The following KDM1A variants were observed in gnomAD, a reference collection of about 807,000 sequenced individuals.
KDM1A encodes the protein lysine demethylase 1A, also known as lysine-specific histone demethylase 1A.
A neutral mutation model predicts 109.4 loss-of-function variants in KDM1A; 49 were observed. The observed-to-expected ratio is 0.45, with a 90% CI of 0.36 to 0.57. The LOEUF (loss-of-function observed/expected upper bound fraction) is 0.57. KDM1A is among the 20% of genes least tolerant of loss of function. The pLI is 0.00. For synonymous variants in KDM1A, 380 were observed against 415.4 expected (o/e 0.91, Z 1.04); for missense variants, 668 against 1,116.6 (o/e 0.60, Z 5.73).
Position 23,079,743 on chromosome 1 carries a change from A to G in KDM1A, c.2170+76A>G, listed in dbSNP as rs1643565083. On this transcript the variant is annotated intron_variant, in intron 18 of 20. Transcript: ENST00000400181. The surrounding 1 kb of genome is among the most constrained non-coding windows in gnomAD (Gnocchi z 5.6). Reference sequence around the variant, plus strand: ...ATTTGAAATATTTTGGGTTTTCTCAATATATATGCCTTAATTTCTCTCTTT... The same window carrying G: ...ATTTGAAATATTTTGGGTTTTCTCAGTATATATGCCTTAATTTCTCTCTTT... 3.6e-6 allele frequency: 3 copies of G among 831,302 alleles called. No individual in the cohort carries two copies. The highest frequency in any genetic ancestry group is 3.5e-5 in the African/African-American group (2 of 57,748). 51.5% of individuals were successfully genotyped at this position (831,302 alleles called of 1,614,324 possible).
chr1:23,044,540 A>G, intron 3 of KDM1A, 54 bp downstream of exon 3: 4 of 1,474,996 alleles, frequency 2.7e-6, no homozygotes, highest in Non-Finnish European at 3.7e-6. Context: ...CCAAGTAGGA[A>G]TTGATGCTTG....
chr1:23,022,429 A>G (rs1365410457), intron 1 of KDM1A, among the ~76,000 whole-genome samples: 1 of 151,130 alleles, frequency 6.6e-6, no homozygotes, highest in East Asian at 2.0e-4. Context: ...TCCGCCTCCA[A>G]GGTTCAAGTG....
At chr1:23,071,707 G>T (rs757742350) in intron 13 of KDM1A, among the ~76,000 whole-genome samples, 1 of 152,108 alleles carries the variant, frequency 6.6e-6, no homozygotes, top group Non-Finnish European at 1.5e-5. Context: ...ATGTGACCTT[G>T]GACTCCTTAA....
chr1:23,065,809 C>A (rs1177600965), intron 9 of KDM1A, among the ~76,000 whole-genome samples: 1 of 151,970 alleles, frequency 6.6e-6, no homozygotes, highest in Admixed American at 6.6e-5. Context: ...TCTGACACTT[C>A]CCCCTCACTC....
At chr1:23,025,398 T>A (rs1305977325) in intron 1 of KDM1A, among the ~76,000 whole-genome samples, 3 of 151,884 alleles carry the variant, frequency 2.0e-5, no homozygotes, top group African/African-American at 7.3e-5. Context: ...TGGTGTGATC[T>A]TGGCTCATTG....
chr1:23,047,248 AC>A (rs1195997356), intron 3 of KDM1A, among the ~76,000 whole-genome samples: 2 of 151,980 alleles, frequency 1.3e-5, no homozygotes, highest in Non-Finnish European at 2.9e-5. Context: ...CAGGCTTTTC[AC>A]CCTGGTTTTG....
Position 23,072,180 on chromosome 1 carries a change from G to A in KDM1A, c.1605G>A (p.Leu535=), listed in dbSNP as rs1643339796. 8 of 1,610,428 alleles carry A rather than the reference G, an allele frequency of 5.0e-6. No individual in the cohort carries two copies. The highest frequency in any genetic ancestry group is 6.8e-6 in the Non-Finnish European group (8 of 1,177,902). ...QGKLEEKLQE[L]EANPPSDVYL... Reference sequence around the variant, plus strand: ...AGCTAGAAGAAAAACTTCAGGAGTTGGAAGCGAATCCCCCAAGGTAAGGAA... The same window carrying A: ...AGCTAGAAGAAAAACTTCAGGAGTTAGAAGCGAATCCCCCAAGGTAAGGAA... The change falls in exon 14 of 21, where the codon TTG becomes TTA. Residue 535 remains leucine, a synonymous_variant. Coordinates refer to ENST00000400181, the MANE Select transcript of KDM1A (RefSeq NM_001009999.3).
In KDM1A at chr1:23,081,523, C is replaced by T; in HGVS notation, c.2248C>T (p.Arg750Ter). The T allele has an allele frequency of 1.2e-6, 2 of 1,614,136 alleles. No individual in the cohort carries two copies. Among genetic ancestry groups the T allele is most frequent in the Non-Finnish European group, 1.7e-6 (2 of 1,180,018 alleles). ...CATAAGTGACGATGTGATTGTTGGC[C>T]GATGCCTGGCCATTCTCAAAGGGAT... Reference protein sequence around the residue: ...ENISDDVIVGRCLAILKGIFG... With the variant: ...ENISDDVIVG Residue 750 changes from arginine (R) to a stop codon, truncating the protein, a stop_gained, in exon 19 of 21, where the codon CGA (arginine) becomes TGA (stop). Transcript: ENST00000400181. LOFTEE classifies it high-confidence loss of function.
intron 1 of KDM1A, among the ~76,000 whole-genome samples, chr1:23,022,335 T>G (rs646219): frequency 0.11 from 16,596 of 150,412 alleles, 1,470 homozygotes; most frequent in African/African-American, 0.25. Flanking sequence ...TTTTTTTTTT[T>G]TTGTTGTTGT....
At chr1:23,077,957 C>T (rs1296703499) in intron 16 of KDM1A, among the ~76,000 whole-genome samples, 6 of 152,178 alleles carry the variant, frequency 3.9e-5, no homozygotes, top group Non-Finnish European at 8.8e-5. Flanking sequence ...AGGCTCAATG[C>T]TCATTATTAT....
chr1:23,037,422 AT>A (rs752244697), intron 2 of KDM1A, among the ~76,000 whole-genome samples: 2 of 151,954 alleles, frequency 1.3e-5, no homozygotes, highest in Non-Finnish European at 2.9e-5. Context: ...AGAAGTTTTT[AT>A]TTTTTTAATT....
At chr1:23,055,300 TTA>T (rs929777446) in intron 6 of KDM1A, 139 bp downstream of exon 6, 6 of 309,126 alleles carry the variant, frequency 1.9e-5, no homozygotes, top group African/African-American at 1.5e-4. Context: ...GTTTATCTTC[TTA>T]AAGTCAAGTT....
At chr1:23,078,419 C>T (rs1000526431) in intron 16 of KDM1A, among the ~76,000 whole-genome samples, 1 of 151,980 alleles carries the variant, frequency 6.6e-6, no homozygotes, top group African/African-American at 2.4e-5. Flanking sequence ...AAAAAACAAA[C>T]GAGGAAAACG....
intron 1 of KDM1A, among the ~76,000 whole-genome samples, chr1:23,025,538 A>G (rs1257778251): frequency 1.3e-5 from 2 of 151,928 alleles, no homozygotes; most frequent in African/African-American, 4.8e-5. Flanking sequence ...CCATGTTGGT[A>G]AGGCTGGTCT....
chr1:23,019,982 TG>T (rs1421953845), intron 1 of KDM1A, 35 bp downstream of exon 1: 1 of 1,456,306 alleles, frequency 6.9e-7, no homozygotes. Flanking sequence ...CGACACCGCC[TG>T]GTGCCGAGCT....
Position 23,054,954 on chromosome 1 carries a change from A to G in KDM1A, c.791-115A>G, listed in dbSNP as rs186203723. ...AGAATTACTTTTTTAAAGGAGTCAC[A>G]TGACTTGAAGCTTAATGGTTTTAAG... On this transcript the variant is annotated intron_variant, in intron 5 of 20. Transcript: ENST00000400181. 8.6e-4 allele frequency: 558 copies of G among 645,852 alleles called. 4 individuals are homozygous for G. In the African/African-American group the frequency reaches 8.8e-3, roughly 10 times the overall value. The allele number at this position is 645,852 out of a possible 1,614,324, so 40.0% of individuals were successfully genotyped here.
chr1:23,077,134 C>T, intron 15 of KDM1A, 94 bp from the exon 16 acceptor site: 5 of 1,213,620 alleles, frequency 4.1e-6, no homozygotes, highest in Non-Finnish European at 4.6e-6. Context: ...ACTGTTTCCA[C>T]AAGCTTGTGT....
At position 23,079,403 on chromosome 1, in the gene KDM1A, C is replaced by G; in HGVS notation, c.2056-150C>G. 1 of 705,058 alleles carries G rather than the reference C, an allele frequency of 1.4e-6. No homozygotes were observed. The highest frequency in any genetic ancestry group is 2.9e-5 in the Admixed American group (1 of 34,252). The allele number at this position is 705,058 out of a possible 1,614,324, so 43.7% of individuals were successfully genotyped here. A position where few individuals can be genotyped will look rare whatever the true frequency, so the allele number is the denominator to read the frequency against. ...ATGGGGTCATTTCACAAACTCAGGCCTATAAAAAGGGGATCGTAAATGTCA... is the reference window on the plus strand; with the variant it reads ...ATGGGGTCATTTCACAAACTCAGGCGTATAAAAAGGGGATCGTAAATGTCA... On this transcript the variant is annotated intron_variant, in intron 17 of 20. Transcript: ENST00000400181. The surrounding 1 kb of genome is among the most constrained non-coding windows in gnomAD (Gnocchi z 5.6).
At chr1:23,040,214 G>A (rs1252985088) in intron 2 of KDM1A, among the ~76,000 whole-genome samples, 1 of 152,124 alleles carries the variant, frequency 6.6e-6, no homozygotes, top group East Asian at 1.9e-4. Context: ...CTGTGTTTCT[G>A]GAAACAACCA....
Sources: gnomAD v4.1 joint callset for allele counts (sites outside exome capture counted in the v4.1 genomes callset) on GRCh38, gnomAD v4.1.1 for gene constraint, Gnocchi (gnomAD v3.1) non-coding constraint, MANE v1.5 for transcripts, NCBI Gene and HGNC (gene_info 2026-07-23, HGNC 2026-07-21) for gene names.